Variants in GRID2 observed in about 807,000 individuals in gnomAD.
The protein encoded by GRID2 is glutamate receptor ionotropic, delta-2.
GRID2 carries 33 observed loss-of-function variants against 114.8 expected under a neutral mutation model. That is an observed-to-expected ratio of 0.29 (90% CI 0.22 to 0.38). GRID2 has a LOEUF of 0.38. GRID2 is among the 10% of genes least tolerant of loss of function. The pLI is 1.00. For synonymous variants in GRID2, 505 were observed against 449.9 expected, an observed-to-expected ratio of 1.12 and a Z score of -1.55; for missense variants, 1,184 against 1,257.7, an observed-to-expected ratio of 0.94 and a Z score of 0.89.
intron 2 of GRID2, among the ~76,000 whole-genome samples, chr4:92,985,533 G>A (rs923338330): frequency 1.3e-5 from 2 of 152,026 alleles, no homozygotes; most frequent in Non-Finnish European, 2.9e-5. Context: ...CACCGCGTCC[G>A]GCCGGTAAAA....
At chr4:93,185,013 G>A (rs1740273014) in intron 4 of GRID2, among the ~76,000 whole-genome samples, 1 of 152,178 alleles carries the variant, frequency 6.6e-6, no homozygotes, top group Non-Finnish European at 1.5e-5. Flanking sequence ...ATAACTACAG[G>A]GTTAGGAGAG....
intron 10 of GRID2, among the ~76,000 whole-genome samples, chr4:93,423,348 T>C (rs1289800582): frequency 1.7e-5 from 2 of 118,058 alleles, no homozygotes; most frequent in African/African-American, 6.6e-5. Context: ...TTTTTTTTTT[T>C]TTTTTTTTTT....
intron 10 of GRID2, among the ~76,000 whole-genome samples, chr4:93,430,416 G>A (rs1469467912): frequency 6.6e-6 from 1 of 152,156 alleles, no homozygotes; most frequent in African/African-American, 2.4e-5. Context: ...CCTGACCTCA[G>A]GTGATCTGCC....
intron 3 of GRID2, among the ~76,000 whole-genome samples, chr4:93,095,299 C>T (rs182701336): frequency 1.8e-4 from 28 of 151,842 alleles, no homozygotes; most frequent in African/African-American, 2.4e-4. Context: ...TGACAGGCCC[C>T]GGTTTATGAT....
At chr4:93,085,400 A>T in intron 3 of GRID2, 121 bp downstream of exon 3, 1 of 774,896 alleles carries the variant, frequency 1.3e-6, no homozygotes, top group Non-Finnish European at 2.1e-6. Flanking sequence ...TTGTCTTGTC[A>T]TATTTTTCTT....
intron 1 of GRID2, among the ~76,000 whole-genome samples, chr4:92,575,718 G>A (rs1727856316): frequency 1.3e-5 from 2 of 152,154 alleles, no homozygotes; most frequent in Admixed American, 6.5e-5. Flanking sequence ...CCTGTAGGAG[G>A]TGGCTGGAGT....
chr4:92,746,247 G>A (rs1050472956), intron 2 of GRID2, among the ~76,000 whole-genome samples: 5 of 151,736 alleles, frequency 3.3e-5, no homozygotes, highest in African/African-American at 1.2e-4. Context: ...TAAACTCAAG[G>A]GTAACTTCAA....
intron 4 of GRID2, among the ~76,000 whole-genome samples, chr4:93,135,830 G>T (rs1319380451): frequency 6.6e-6 from 1 of 152,090 alleles, no homozygotes; most frequent in Non-Finnish European, 1.5e-5. Context: ...AGTCATGATG[G>T]TGTTTTGATT....
chr4:92,336,954 G>GT (rs59093874), intron 1 of GRID2, among the ~76,000 whole-genome samples: 53,811 of 78,640 alleles, frequency 0.68, 17,961 homozygotes, highest in Middle Eastern at 0.78. Flanking sequence ...TTTCGTTGTT[G>GT]TTTTTTTTTT....
chr4:92,953,738 A>G (rs2149138399), intron 2 of GRID2, among the ~76,000 whole-genome samples: 1 of 152,226 alleles, frequency 6.6e-6, no homozygotes, highest in East Asian at 2.0e-4. Flanking sequence ...TGAAGACTTC[A>G]TACCATATTT....
chr4:92,640,626 A>G (rs1362038177), intron 2 of GRID2, among the ~76,000 whole-genome samples: 2 of 151,826 alleles, frequency 1.3e-5, no homozygotes, highest in African/African-American at 4.8e-5. Flanking sequence ...AGGGATGAAA[A>G]AGACAACTGA....
At chr4:92,769,497 G>T (rs998117944) in intron 2 of GRID2, among the ~76,000 whole-genome samples, 4 of 152,152 alleles carry the variant, frequency 2.6e-5, no homozygotes, top group Admixed American at 6.5e-5. Flanking sequence ...CTGTATGGGG[G>T]CTCCAACCTC....
chr4:92,962,627 A>G (rs1257909945), intron 2 of GRID2, among the ~76,000 whole-genome samples: 2 of 151,890 alleles, frequency 1.3e-5, no homozygotes, highest in African/African-American at 2.4e-5. Flanking sequence ...GTATTTCAAA[A>G]TGGTTACTTT....
At chr4:93,530,001 G>A (rs927180071) in intron 13 of GRID2, among the ~76,000 whole-genome samples, 1 of 152,012 alleles carries the variant, frequency 6.6e-6, no homozygotes, top group Non-Finnish European at 1.5e-5. Context: ...CTATCATCAG[G>A]CTGAAAATTG....
At chr4:93,240,461 G>C (rs1241755813) in intron 8 of GRID2, among the ~76,000 whole-genome samples, 1 of 150,794 alleles carries the variant, frequency 6.6e-6, no homozygotes, top group Non-Finnish European at 1.5e-5. Flanking sequence ...TTGGAGAAGG[G>C]TGTCTTTTGC....
In GRID2 at chr4:93,659,252, C is replaced by A. The variant is rs186220986; in HGVS notation, c.2360+32817C>A. On this transcript the variant is annotated intron_variant, in intron 14 of 15. Coordinates refer to ENST00000282020, the MANE Select transcript of GRID2 (RefSeq NM_001510.4). ...GCATGTAAAATGTGCACAGGTGATT[C>A]CCAGAATTAATTGAAAGGAAATTTA... 6.8e-4 allele frequency among the ~76,000 whole-genome samples: 103 copies of A among 152,002 alleles called. No individual in the cohort carries two copies. In the East Asian group the frequency reaches 0.018, roughly 27 times the overall value.
intron 8 of GRID2, among the ~76,000 whole-genome samples, chr4:93,299,553 G>T (rs1394992980): frequency 8.7e-6 from 1 of 114,774 alleles, no homozygotes; most frequent in East Asian, 3.0e-4. Context: ...CCTGTTGTGG[G>T]GTGGGGGGAG....
intron 10 of GRID2, among the ~76,000 whole-genome samples, chr4:93,435,021 C>A (rs2149384742): frequency 6.6e-6 from 1 of 152,234 alleles, no homozygotes; most frequent in Admixed American, 6.5e-5. Flanking sequence ...CCACCCTCTT[C>A]AAAAGAACAA....
intron 2 of GRID2, among the ~76,000 whole-genome samples, chr4:92,826,772 T>G (rs934256798): frequency 3.3e-5 from 5 of 152,152 alleles, no homozygotes; most frequent in Non-Finnish European, 5.9e-5. Flanking sequence ...GCAAATCAGC[T>G]GATTTAAAAT....
Sources: gnomAD v4.1 joint callset for allele counts (sites outside exome capture counted in the v4.1 genomes callset) on GRCh38, gnomAD v4.1.1 for gene constraint, MANE v1.5 for transcripts, NCBI Gene and HGNC (gene_info 2026-07-23, HGNC 2026-07-21) for gene names.